NDUFB2: variants seen among roughly 807,000 people sequenced by gnomAD.
NDUFB2 encodes NADH:ubiquinone oxidoreductase subunit B2.
Under a neutral mutation model 13.4 loss-of-function variants are expected in NDUFB2, and 13 were observed. The observed-to-expected ratio is 0.97, with a 90% CI of 0.63 to 1.54. The LOEUF is 1.54. Ranked by LOEUF, NDUFB2 falls within the 40% of genes most tolerant of loss-of-function variation. The pLI, the probability that NDUFB2 is intolerant of heterozygous loss-of-function variation, is 0.00. For synonymous variants in NDUFB2, 47 were observed against 50.6 expected (o/e 0.93, Z 0.30); for missense variants, 150 against 139.7 (o/e 1.07, Z -0.37).
Position 140,696,816 on chromosome 7 carries a change from G to T in NDUFB2, c.72G>T (p.Arg24=). The T allele has an allele frequency of 1.9e-6, 3 of 1,608,980 alleles. No individual in the cohort carries two copies. The highest frequency in any genetic ancestry group is 2.5e-6 in the Non-Finnish European group (3 of 1,177,972). ...GGRLFRSGCA[R]TAGDGGVRHA... The stretch of plus-strand genomic sequence containing the variant: ...GCCTTTTCAGAAGCGGCTGCGCACG[G>T]ACTGCTGGAGATGGTGGAGTCCGTC... The change falls in exon 1 of 4, where the codon CGG becomes CGT. Residue 24 remains arginine, a synonymous_variant. Coordinates refer to ENST00000247866, the MANE Select transcript of NDUFB2 (RefSeq NM_004546.3).
rs1794842613 is a variant in NDUFB2, at chr7:140,698,143, G to A, written c.98+1301G>A. The stretch of plus-strand genomic sequence containing the variant: ...CCACATGGATGAAGAATCTGGAGCT[G>A]GGGCAGGTGTGGGGTGGGCAGAAGG... On this transcript the variant is annotated intron_variant, in intron 1 of 3. Transcript: ENST00000247866. 3.0e-6 allele frequency: 4 copies of A among 1,352,012 alleles called. No individual in the cohort carries two copies. The Admixed American group carries it at 7.6e-5, about 26-fold the overall frequency. The allele number at this position is 1,352,012 out of a possible 1,614,324, so 83.8% of individuals were successfully genotyped here. A position where few individuals can be genotyped will look rare whatever the true frequency, so the allele number is the denominator to read the frequency against.
intron 2 of NDUFB2, among the ~76,000 whole-genome samples, chr7:140,704,388 G>A (rs532786074): frequency 5.3e-5 from 8 of 152,258 alleles, no homozygotes; most frequent in Admixed American, 2.6e-4. Flanking sequence ...TCAGCTGTCC[G>A]GAGTATGTAC....
Position 140,696,724 on chromosome 7 carries a change from G to C in NDUFB2, c.-21G>C. ...GGCAGGGGCGAGGCGGCTGGGGACC[G>C]CGGGGCGGACGGGAGCGAGTATGTC... On this transcript the variant is annotated 5_prime_UTR_variant, in exon 1 of 4. Transcript: ENST00000247866. 1 of 1,567,452 alleles carries C rather than the reference G, an allele frequency of 6.4e-7. No homozygotes were observed. Among genetic ancestry groups the C allele is most frequent in the Non-Finnish European group, 8.6e-7 (1 of 1,157,616 alleles).
At chr7:140,704,985 TTA>T (rs747073136) in intron 3 of NDUFB2, 22 bp downstream of exon 3, 5 of 1,290,654 alleles carry the variant, frequency 3.9e-6, no homozygotes, top group Admixed American at 2.6e-5. Flanking sequence ...CCAAATTTCT[TTA>T]TGTCATATTT....
chr7:140,702,791 A>T, intron 1 of NDUFB2, 75 bp from the exon 2 acceptor site: 1 of 1,550,836 alleles, frequency 6.4e-7, no homozygotes, highest in South Asian at 1.1e-5. Flanking sequence ...TCTAGGATGT[A>T]ACTCAGAGGA....
rs1013796231 is a variant in NDUFB2, at chr7:140,702,353, C to T, written c.99-513C>T. Reference sequence around the variant, plus strand: ...GAATGAAAAGAAGAAAAAAGAAACACGTATTCAAACTTACTGTTTAAAGTT... The same window carrying T: ...GAATGAAAAGAAGAAAAAAGAAACATGTATTCAAACTTACTGTTTAAAGTT... On this transcript the variant is annotated intron_variant, in intron 1 of 3. Transcript: ENST00000247866. Among the ~76,000 whole-genome samples, 6 of 152,290 alleles carry T rather than the reference C, an allele frequency of 3.9e-5. No individual in the cohort carries two copies. The East Asian group carries it at 9.6e-4, about 24-fold the overall frequency.
chr7:140,706,031 T>A (rs936929573), intron 3 of NDUFB2: 2 of 142,130 alleles, frequency 1.4e-5, no homozygotes, highest in African/African-American at 5.8e-5. Flanking sequence ...TTATTTTAGT[T>A]TGTTATGTTA....
intron 1 of NDUFB2, among the ~76,000 whole-genome samples, chr7:140,698,730 G>T (rs940990340): frequency 1.3e-5 from 2 of 152,078 alleles, no homozygotes; most frequent in Non-Finnish European, 2.9e-5. Context: ...GAGTGGGAGA[G>T]ACCAGGTCAC....
At chr7:140,700,425 C>G (rs1794880433) in intron 1 of NDUFB2, among the ~76,000 whole-genome samples, 1 of 151,628 alleles carries the variant, frequency 6.6e-6, no homozygotes, top group South Asian at 2.1e-4. Context: ...GTCCGGCCTT[C>G]AAATCTTGTT....
chr7:140,704,408 A>G (rs1319911714), intron 2 of NDUFB2, among the ~76,000 whole-genome samples: 1 of 152,172 alleles, frequency 6.6e-6, no homozygotes. Context: ...CAGTATGTAT[A>G]GCTGTTAGGC....
chr7:140,703,960 T>C (rs200981721), intron 2 of NDUFB2, among the ~76,000 whole-genome samples: 1 of 152,092 alleles, frequency 6.6e-6, no homozygotes, highest in African/African-American at 2.4e-5. Flanking sequence ...TTTCACCGTG[T>C]TAGCCAGGAT....
At chr7:140,696,880 G>C (rs766581229) in intron 1 of NDUFB2, 38 bp downstream of exon 1, 2 of 1,552,310 alleles carry the variant, frequency 1.3e-6, no homozygotes, top group East Asian at 4.8e-5. Flanking sequence ...TCGCCGGCCT[G>C]TAGCGGACAG....
rs1794947574 is a variant in NDUFB2 at position 140,705,094 on chromosome 7, G to T, written c.*29+131G>T. On this transcript the variant is annotated intron_variant, in intron 3 of 3. Coordinates refer to ENST00000247866, the MANE Select transcript of NDUFB2 (RefSeq NM_004546.3). ...CATGAAGTTGAGTTAACCATGTCCT[G>T]TATCTGCTTTTTTTTTTTTTTTTGA... is the stretch of plus-strand genomic sequence containing the variant. 17 of 414,078 alleles carry T rather than the reference G, an allele frequency of 4.1e-5. No individual in the cohort carries two copies. The South Asian group carries it at 6.9e-4, about 17-fold the overall frequency. The allele number at this position is 414,078 out of a possible 1,614,324, so 25.7% of individuals were successfully genotyped here.
chr7:140,699,448 C>T (rs993915836), intron 1 of NDUFB2, among the ~76,000 whole-genome samples: 3 of 152,210 alleles, frequency 2.0e-5, no homozygotes, highest in African/African-American at 7.2e-5. Flanking sequence ...TTTTGGTCCA[C>T]ACAGGTCCAA....
intron 1 of NDUFB2, chr7:140,698,029 C>T (rs532559260): frequency 1.5e-6 from 2 of 1,291,638 alleles, no homozygotes; most frequent in Non-Finnish European, 2.0e-6. Context: ...TTGCTGGTGC[C>T]TGCTAAGGAC....
intron 2 of NDUFB2, among the ~76,000 whole-genome samples, chr7:140,703,564 C>G (rs567801278): frequency 6.6e-6 from 1 of 150,814 alleles, no homozygotes; most frequent in African/African-American, 2.4e-5. Context: ...CGTGAGCCAC[C>G]GCGCCTGGCC....
At chr7:140,702,066 T>C (rs775710862) in intron 1 of NDUFB2, 3 of 702,378 alleles carry the variant, frequency 4.3e-6, no homozygotes, top group Non-Finnish European at 7.8e-6. Flanking sequence ...TACGAATTTC[T>C]GTGCTACATA....
At chr7:140,703,273 ATTT>A (rs10597210) in intron 2 of NDUFB2, among the ~76,000 whole-genome samples, 30 of 120,290 alleles carry the variant, frequency 2.5e-4, no homozygotes, top group African/African-American at 3.6e-4. Context: ...CTAAAAGCTC[ATTT>A]TTTTTTTTTT....
chr7:140,697,038 G>A (rs988013324), intron 1 of NDUFB2, 196 bp downstream of exon 1: 1 of 609,746 alleles, frequency 1.6e-6, no homozygotes, highest in Admixed American at 2.9e-5. Context: ...GAGAGACTTC[G>A]CTGGGCAGAT....
Sources: gnomAD v4.1 joint callset for allele counts (sites outside exome capture counted in the v4.1 genomes callset) on GRCh38, gnomAD v4.1.1 for gene constraint, MANE v1.5 for transcripts, NCBI Gene and HGNC (gene_info 2026-07-23, HGNC 2026-07-21) for gene names.